The following CEACAM21 variants were observed in gnomAD, a reference collection of about 807,000 sequenced individuals.
CEACAM21 encodes cell adhesion molecule CEACAM21.
A neutral mutation model predicts 33.2 loss-of-function variants in CEACAM21; 38 were observed. That is an observed-to-expected ratio of 1.14 (90% confidence interval 0.88 to 1.50). The LOEUF is 1.50. Among genes scored for constraint, CEACAM21 ranks in the 40% most tolerant of loss-of-function variants. The pLI is 0.00. For synonymous variants in CEACAM21, 156 were observed against 143.0 expected (o/e 1.09, Z -0.65); for missense variants, 385 against 364.6 (o/e 1.06, Z -0.46).
At chr19:41,585,611 A>G in intron 5 of CEACAM21, 116 bp downstream of exon 5, 3 of 1,243,514 alleles carry the variant, frequency 2.4e-6, no homozygotes, top group African/African-American at 1.5e-5. Context: ...TGCAAAGAGG[A>G]TCCCATAAAA....
At chr19:41,573,288 C>G (rs782648957), upstream of CEACAM21, among the ~76,000 whole-genome samples, 1 of 152,198 alleles carries the variant, frequency 6.6e-6, no homozygotes, top group Non-Finnish European at 1.5e-5. Flanking sequence ...CCAGTAAGAA[C>G]ATGGAATACT....
chr19:41,554,485 A>T (rs888183317), intron 1 of CEACAM21, among the ~76,000 whole-genome samples: 3 of 152,042 alleles, frequency 2.0e-5, no homozygotes, highest in Admixed American at 6.6e-5. Context: ...GGAGTCTCCC[A>T]TAACTTTGGA....
At chr19:41,569,476 A>C (rs370558217) in intron 2 of CEACAM21, among the ~76,000 whole-genome samples, 1 of 152,104 alleles carries the variant, frequency 6.6e-6, no homozygotes, top group Non-Finnish European at 1.5e-5. Flanking sequence ...AATGGATGAG[A>C]AAGTGTTGGG....
chr19:41,577,139 C>T (rs2043007463), intron 1 of CEACAM21, 61 bp from the exon 2 acceptor site: 7 of 1,602,606 alleles, frequency 4.4e-6, no homozygotes, highest in Non-Finnish European at 5.1e-6. Context: ...GCACCCAGGA[C>T]CCCGTCTTTC....
intron 3 of CEACAM21, among the ~76,000 whole-genome samples, chr19:41,583,841 C>A (rs1169708896): frequency 6.6e-6 from 1 of 152,162 alleles, no homozygotes; most frequent in African/African-American, 2.4e-5. Flanking sequence ...TGGTGATGAA[C>A]ACCAAATACG....
Position 41,577,484 on chromosome 19 carries a change from A to C in CEACAM21, c.349A>C (p.Thr117Pro). The C allele has an allele frequency of 6.2e-7, 1 of 1,614,110 alleles. No homozygotes were observed. The highest frequency in any genetic ancestry group is 8.5e-7 in the Non-Finnish European group (1 of 1,180,018). ...TTTCCAGAACGTCACCCTAGAGGACACGGGATACTACAACCTACAAGTCAC... is the reference window on the plus strand; with the variant it reads ...TTTCCAGAACGTCACCCTAGAGGACCCGGGATACTACAACCTACAAGTCAC... ...LHFQNVTLED[T>P]GYYNLQVTYR... Residue 117 changes from threonine (T) to proline (P), a missense_variant, in exon 2 of 7, where the codon ACG becomes CCG. Thr to Pro is a conservative substitution (Grantham distance 38). Transcript: ENST00000401445.
intron 2 of CEACAM21, among the ~76,000 whole-genome samples, chr19:41,569,097 A>G (rs1555788861): frequency 6.6e-6 from 1 of 152,208 alleles, no homozygotes; most frequent in East Asian, 1.9e-4. Flanking sequence ...GCTAAGAATA[A>G]ATTGTATTCT....
chr19:41,577,121 A>C, intron 1 of CEACAM21, 79 bp from the exon 2 acceptor site: 2 of 1,548,174 alleles, frequency 1.3e-6, no homozygotes, highest in Non-Finnish European at 1.8e-6. Flanking sequence ...TGAGGGGTGA[A>C]GAGACCTGCA....
chr19:41,576,093 A>T (rs2042920487), upstream of CEACAM21: 4 of 644,418 alleles, frequency 6.2e-6, no homozygotes, highest in Non-Finnish European at 1.1e-5. Context: ...GGGAGGGGAC[A>T]GAGAGACATT....
chr19:41,571,326 C>G (rs1178552234), upstream of CEACAM21, among the ~76,000 whole-genome samples: 2 of 152,070 alleles, frequency 1.3e-5, no homozygotes, highest in Non-Finnish European at 2.9e-5. Context: ...TTTGATGTAC[C>G]AGGAGAAGGC....
upstream of CEACAM21, among the ~76,000 whole-genome samples, chr19:41,571,499 C>T (rs1213662492): frequency 6.6e-6 from 1 of 152,072 alleles, no homozygotes; most frequent in Non-Finnish European, 1.5e-5. Context: ...AATGCATGAC[C>T]CCAAGGCACC....
At chr19:41,551,367 C>G (rs1447526712) in intron 1 of CEACAM21, 1 of 152,246 alleles carries the variant, frequency 6.6e-6, no homozygotes, top group African/African-American at 2.4e-5. Context: ...CCATGTTGGC[C>G]TCGCTGGTCT....
intron 2 of CEACAM21, 149 bp from the exon 3 acceptor site, chr19:41,579,204 G>C (rs144406433): frequency 1.5e-6 from 2 of 1,305,146 alleles, no homozygotes; most frequent in South Asian, 2.8e-5. Flanking sequence ...CCTACTGCTC[G>C]CTGCTATGGG....
chr19:41,584,053 G>A (rs1555794282), intron 3 of CEACAM21, among the ~76,000 whole-genome samples: 1 of 152,150 alleles, frequency 6.6e-6, no homozygotes, highest in African/African-American at 2.4e-5. Context: ...AGAAACAGGG[G>A]GAAGAGGAGT....
upstream of CEACAM21, among the ~76,000 whole-genome samples, chr19:41,574,258 A>G (rs1368550461): frequency 1.3e-5 from 2 of 152,248 alleles, no homozygotes. Flanking sequence ...AAGAACATAT[A>G]GGAGTAAAAC....
intron 3 of CEACAM21, among the ~76,000 whole-genome samples, chr19:41,583,563 A>ATGTG (rs1255202734): frequency 2.0e-5 from 3 of 152,220 alleles, no homozygotes; most frequent in Non-Finnish European, 4.4e-5. Flanking sequence ...ATTGATTCAC[A>ATGTG]ATTCCACATG....
At chr19:41,554,172 A>G (rs2041398187) in intron 1 of CEACAM21, among the ~76,000 whole-genome samples, 1 of 152,020 alleles carries the variant, frequency 6.6e-6, no homozygotes, top group African/African-American at 2.4e-5. Context: ...CTTGATATCA[A>G]TGAACATTTT....
chr19:41,578,879 GAC>G (rs1258494598), intron 2 of CEACAM21, among the ~76,000 whole-genome samples: 13 of 152,078 alleles, frequency 8.5e-5, no homozygotes, highest in African/African-American at 3.1e-4. Flanking sequence ...GCCCAACTGA[GAC>G]ACACACTCAG....
chr19:41,581,111 G>A (rs1390866077), intron 3 of CEACAM21, among the ~76,000 whole-genome samples: 3 of 152,240 alleles, frequency 2.0e-5, no homozygotes, highest in Non-Finnish European at 4.4e-5. Context: ...CTGCAGCACT[G>A]TAACATGTTC....
Sources: allele counts gnomAD v4.1 joint callset (sites outside exome capture counted in the v4.1 genomes callset), GRCh38; gene constraint gnomAD v4.1.1; transcripts MANE v1.5; gene names NCBI Gene and HGNC (gene_info 2026-07-23, HGNC 2026-07-21).